SNX29: variants seen among roughly 807,000 people sequenced by gnomAD.
The protein encoded by SNX29 is sorting nexin-29.
A neutral mutation model predicts 102.1 loss-of-function variants in SNX29; 78 were observed. That is an observed-to-expected ratio of 0.76 (90% CI 0.64 to 0.92). The LOEUF is 0.92. Among genes scored for constraint, SNX29 ranks in the 40% least tolerant of loss-of-function variants. SNX29 has a pLI of 0.00. For missense variants in SNX29, 1,280 were observed against 1,061.7 expected (o/e 1.21, Z -2.86); for synonymous variants, 580 against 414.5 (o/e 1.40, Z -4.85).
At chr16:12,254,336 A>C (rs1474430193) in intron 14 of SNX29, among the ~76,000 whole-genome samples, 1 of 152,140 alleles carries the variant, frequency 6.6e-6, no homozygotes, top group Non-Finnish European at 1.5e-5. Flanking sequence ...GATGTGGAAA[A>C]AAGGAGATAC....
At chr16:12,095,472 G>C (rs529143132) in intron 11 of SNX29, among the ~76,000 whole-genome samples, 1 of 152,162 alleles carries the variant, frequency 6.6e-6, no homozygotes, top group South Asian at 2.1e-4. Flanking sequence ...GTGAGGTCGC[G>C]AGTGGTGGTG....
chr16:12,034,141 G>C (rs2057413211), intron 4 of SNX29, among the ~76,000 whole-genome samples: 1 of 152,144 alleles, frequency 6.6e-6, no homozygotes, highest in Admixed American at 6.5e-5. Context: ...TTTGAAAATG[G>C]TTGATTGCAC....
intron 3 of SNX29, among the ~76,000 whole-genome samples, chr16:12,025,300 C>T (rs1463039364): frequency 8.6e-5 from 2 of 23,374 alleles, no homozygotes; most frequent in South Asian, 1.1e-3. Context: ...AAAACTCCAT[C>T]TCAAAAAAAA....
At chr16:12,002,835 T>C (rs980402338) in intron 2 of SNX29, among the ~76,000 whole-genome samples, 156 bp from the exon 3 acceptor site, 10 of 152,306 alleles carry the variant, frequency 6.6e-5, no homozygotes, top group Admixed American at 3.3e-4. Context: ...TTAAGTCTTG[T>C]GCTGATACCC....
chr16:12,316,727 A>AT (rs967705490), intron 15 of SNX29, among the ~76,000 whole-genome samples: 10 of 151,820 alleles, frequency 6.6e-5, no homozygotes, highest in African/African-American at 2.4e-4. Context: ...CTTCTCTCCC[A>AT]TCCCTCCTTC....
chr16:12,036,277 T>G (rs1265871098), intron 4 of SNX29, among the ~76,000 whole-genome samples: 1 of 151,532 alleles, frequency 6.6e-6, no homozygotes, highest in African/African-American at 2.4e-5. Flanking sequence ...TTTTTAGAGA[T>G]GGGTTCTTAC....
chr16:12,150,721 C>T (rs1030585295), intron 13 of SNX29, among the ~76,000 whole-genome samples: 3 of 152,206 alleles, frequency 2.0e-5, no homozygotes, highest in African/African-American at 4.8e-5. Flanking sequence ...GCCCCAAGTC[C>T]GTGAGGAGGA....
chr16:12,219,650 G>A (rs910877879), intron 14 of SNX29, among the ~76,000 whole-genome samples: 1 of 152,154 alleles, frequency 6.6e-6, no homozygotes, highest in Admixed American at 6.5e-5. Flanking sequence ...GTATAAACAT[G>A]TTTTCTCTTA....
intron 13 of SNX29, among the ~76,000 whole-genome samples, chr16:12,196,079 G>A (rs562090327): frequency 1.7e-4 from 24 of 142,454 alleles, no homozygotes; most frequent in African/African-American, 5.8e-4. Context: ...CGGCTCAAAC[G>A]ATCCTCCCAC....
chr16:12,399,091 C>G (rs62027025), intron 17 of SNX29, among the ~76,000 whole-genome samples: 51,311 of 152,090 alleles, frequency 0.34, 10,681 homozygotes, highest in East Asian at 0.58. Context: ...ATCTCTGTCG[C>G]CCAGGCTGGA....
intron 19 of SNX29, among the ~76,000 whole-genome samples, chr16:12,522,180 T>G (rs550908671): frequency 6.6e-6 from 1 of 152,294 alleles, no homozygotes; most frequent in East Asian, 1.9e-4. Flanking sequence ...ACCAATAATT[T>G]TGTAGTCTAA....
chr16:12,451,768 G>C (rs892540173), intron 18 of SNX29, among the ~76,000 whole-genome samples: 1 of 152,200 alleles, frequency 6.6e-6, no homozygotes, highest in Non-Finnish European at 1.5e-5. Flanking sequence ...GGAGGCTGAG[G>C]CAGCAGAATC....
At chr16:12,539,336 G>A (rs893668449) in intron 20 of SNX29, among the ~76,000 whole-genome samples, 4 of 151,010 alleles carry the variant, frequency 2.6e-5, no homozygotes, top group Non-Finnish European at 5.9e-5. Flanking sequence ...TTTCAAGAAT[G>A]TCACATAAAT....
chr16:12,121,471 C>G (rs350205), intron 11 of SNX29, among the ~76,000 whole-genome samples: 5,700 of 152,324 alleles, frequency 0.037, 334 homozygotes, highest in African/African-American at 0.13. Flanking sequence ...CCCGCTGGCC[C>G]TTGGGTAGCC....
chr16:12,155,164 G>A (rs981240002), intron 13 of SNX29, among the ~76,000 whole-genome samples: 3 of 152,250 alleles, frequency 2.0e-5, no homozygotes, highest in South Asian at 2.1e-4. Context: ...GCGCCCAGGG[G>A]ACTCTGGCTC....
chr16:12,035,338 A>G (rs1416697549), intron 4 of SNX29, among the ~76,000 whole-genome samples: 2 of 151,856 alleles, frequency 1.3e-5, no homozygotes, highest in Non-Finnish European at 2.9e-5. Context: ...CGGCCTCTCA[A>G]GTAGCTGGGA....
intron 20 of SNX29, among the ~76,000 whole-genome samples, chr16:12,558,465 C>T (rs560129538): frequency 7.2e-5 from 11 of 152,284 alleles, no homozygotes; most frequent in African/African-American, 2.4e-4. Flanking sequence ...AACTTAATGC[C>T]ATCCTTTAAA....
chr16:12,064,481 G>A (rs1383628397), intron 9 of SNX29, among the ~76,000 whole-genome samples: 1 of 152,246 alleles, frequency 6.6e-6, no homozygotes, highest in Non-Finnish European at 1.5e-5. Context: ...GATGTCGAAT[G>A]CACTCTCTGG....
chr16:12,349,028 T>G (rs530629762), intron 15 of SNX29, among the ~76,000 whole-genome samples: 1 of 152,330 alleles, frequency 6.6e-6, no homozygotes, highest in East Asian at 1.9e-4. Context: ...AAAAGTCTTG[T>G]GGCCTCCCGG....
Sources: allele counts gnomAD v4.1 joint callset (sites outside exome capture counted in the v4.1 genomes callset), GRCh38; gene constraint gnomAD v4.1.1; transcripts MANE v1.5; gene names NCBI Gene and HGNC (gene_info 2026-07-23, HGNC 2026-07-21).